Variants in EYA4 observed in about 807,000 individuals in gnomAD.
The protein encoded by EYA4 is protein phosphatase EYA4.
EYA4 carries 31 observed loss-of-function variants against 87.9 expected under a neutral mutation model. That is an observed-to-expected ratio of 0.35 (90% CI 0.27 to 0.48). EYA4 has a LOEUF of 0.48. EYA4 is among the 20% of genes least tolerant of loss of function. The pLI, the probability that EYA4 is intolerant of heterozygous loss-of-function variation, is 0.99. For missense variants in EYA4, 678 were observed against 761.4 expected, an observed-to-expected ratio of 0.89 and a Z score of 1.29; for synonymous variants, 263 against 270.6, an observed-to-expected ratio of 0.97 and a Z score of 0.28.
At chr6:133,386,224 GT>G (rs1297855232) in intron 3 of EYA4, among the ~76,000 whole-genome samples, 2 of 151,908 alleles carry the variant, frequency 1.3e-5, no homozygotes, top group Non-Finnish European at 2.9e-5. Context: ...TTGCATTGAT[GT>G]TTTTTTCTGT....
chr6:133,281,242 C>T (rs2128281580), intron 2 of EYA4, among the ~76,000 whole-genome samples: 1 of 152,272 alleles, frequency 6.6e-6, no homozygotes, highest in East Asian at 1.9e-4. Flanking sequence ...AAGGATATCT[C>T]CCATTTTGTG....
At chr6:133,426,287 A>G (rs1390107700) in intron 3 of EYA4, among the ~76,000 whole-genome samples, 2 of 152,234 alleles carry the variant, frequency 1.3e-5, no homozygotes, top group African/African-American at 2.4e-5. Flanking sequence ...GTACTCGGCA[A>G]ATATTTTGGG....
intron 11 of EYA4, among the ~76,000 whole-genome samples, chr6:133,474,778 TG>T (rs1308107899): frequency 6.6e-6 from 1 of 152,172 alleles, no homozygotes; most frequent in Non-Finnish European, 1.5e-5. Context: ...TGGAATCTGA[TG>T]TATTTAGTTC....
intron 2 of EYA4, among the ~76,000 whole-genome samples, chr6:133,374,784 A>G (rs958497659): frequency 6.6e-6 from 1 of 152,046 alleles, no homozygotes; most frequent in Admixed American, 6.6e-5. Flanking sequence ...TTCCCTAACT[A>G]CATGAAAAGA....
rs56153760 is a variant in EYA4 at position 133,274,433 on chromosome 6, G to A, written c.-65-283G>A. On this transcript the variant is annotated intron_variant, in intron 1 of 19. Coordinates refer to ENST00000355286, the MANE Select transcript of EYA4 (RefSeq NM_004100.5). ...GACATACCTCCCTCAGTAAAATAGTGTATTAACTGTTTATTGCAGACTGTG... is the reference window on the plus strand; with the variant it reads ...GACATACCTCCCTCAGTAAAATAGTATATTAACTGTTTATTGCAGACTGTG... Among the ~76,000 whole-genome samples the A allele has an allele frequency of 0.047, 7,112 of 152,192 alleles. 586 individuals carry two copies. Among genetic ancestry groups the A allele is most frequent in the African/African-American group, 0.16 (6,692 of 41,498 alleles).
At chr6:133,430,179 C>T (rs182039741) in intron 3 of EYA4, among the ~76,000 whole-genome samples, 183 of 152,268 alleles carry the variant, frequency 1.2e-3, no homozygotes, top group African/African-American at 4.1e-3. Flanking sequence ...CTGGTACATA[C>T]ATACCATGGA....
At chr6:133,419,729 A>G (rs1478253577) in intron 3 of EYA4, among the ~76,000 whole-genome samples, 1 of 152,228 alleles carries the variant, frequency 6.6e-6, no homozygotes, top group Admixed American at 6.5e-5. Flanking sequence ...GTGCAATTAA[A>G]AAACAGTGCA....
At chr6:133,327,120 AC>A (rs1781557118) in intron 2 of EYA4, among the ~76,000 whole-genome samples, 1 of 152,162 alleles carries the variant, frequency 6.6e-6, no homozygotes, top group South Asian at 2.1e-4. Flanking sequence ...AATAAATCTT[AC>A]ACTAAAATTT....
chr6:133,474,541 A>T (rs1210109665), intron 11 of EYA4, among the ~76,000 whole-genome samples: 1 of 152,056 alleles, frequency 6.6e-6, no homozygotes, highest in Non-Finnish European at 1.5e-5. Context: ...TCATTTTCAG[A>T]TTTTATTAGA....
At chr6:133,509,174 G>A (rs1798911720) in intron 14 of EYA4, among the ~76,000 whole-genome samples, 1 of 152,148 alleles carries the variant, frequency 6.6e-6, no homozygotes, top group African/African-American at 2.4e-5. Context: ...TACATACATA[G>A]CGCCCTATCC....
intron 10 of EYA4, 135 bp from the exon 11 acceptor site, chr6:133,468,431 C>T: frequency 5.4e-6 from 4 of 745,580 alleles, no homozygotes; most frequent in Non-Finnish European, 9.5e-6. Flanking sequence ...TCATTAGGAT[C>T]ACCTCAAAGC....
At chr6:133,371,709 G>T (rs1037128061) in intron 2 of EYA4, among the ~76,000 whole-genome samples, 1 of 152,176 alleles carries the variant, frequency 6.6e-6, no homozygotes, top group African/African-American at 2.4e-5. Context: ...GAGGGAGATG[G>T]TTGTGTGAGT....
intron 3 of EYA4, among the ~76,000 whole-genome samples, chr6:133,427,764 A>C (rs1311102983): frequency 6.6e-6 from 1 of 152,182 alleles, no homozygotes; most frequent in African/African-American, 2.4e-5. Context: ...AATGATATAG[A>C]GAGAAGACAG....
At chr6:133,411,914 T>A (rs1789274802) in intron 3 of EYA4, among the ~76,000 whole-genome samples, 1 of 152,234 alleles carries the variant, frequency 6.6e-6, no homozygotes, top group African/African-American at 2.4e-5. Context: ...CCAGATAGCA[T>A]TCCATCAAGC....
chr6:133,259,875 G>A (rs1177365276), intron 1 of EYA4, among the ~76,000 whole-genome samples: 1 of 152,112 alleles, frequency 6.6e-6, no homozygotes, highest in Non-Finnish European at 1.5e-5. Context: ...TTGTGATTTT[G>A]TTATTGTTTT....
intron 3 of EYA4, among the ~76,000 whole-genome samples, chr6:133,430,917 G>A (rs1469278253): frequency 2.0e-5 from 3 of 152,146 alleles, no homozygotes; most frequent in Non-Finnish European, 4.4e-5. Context: ...TGGGATAGTA[G>A]GCAATTAGTA....
At chr6:133,444,040 A>G (rs2128617168) in intron 3 of EYA4, among the ~76,000 whole-genome samples, 1 of 152,328 alleles carries the variant, frequency 6.6e-6, no homozygotes, top group Non-Finnish European at 1.5e-5. Flanking sequence ...ATTAGGTCAC[A>G]TTGGTGATAA....
In EYA4 at chr6:133,468,723, A is replaced by T. The variant is rs1166230521; in HGVS notation, c.962A>T (p.Asn321Ile). 4 of 1,613,024 alleles carry T rather than the reference A, an allele frequency of 2.5e-6. No homozygotes were observed. In the East Asian group the frequency reaches 8.9e-5, roughly 36 times the overall value. Reference protein sequence around the residue: ...QLQESLPGLTNQPGEFDTMQS... With the variant: ...QLQESLPGLTIQPGEFDTMQS... ...CAGGAATCTCTCCCAGGACTGACTA[A>T]CCAACCAGGTACAGATCTTCACCCA... is the stretch of plus-strand genomic sequence containing the variant. Residue 321 changes from asparagine (N) to isoleucine (I), a missense_variant, in exon 11 of 20, where the codon AAC (asparagine) becomes ATC (isoleucine). Asn to Ile is a moderately radical substitution (Grantham distance 149). Coordinates refer to ENST00000355286, the MANE Select transcript of EYA4 (RefSeq NM_004100.5).
rs1289287096 is a variant in EYA4 at position 133,506,113 on chromosome 6, C to G, written c.1199C>G (p.Pro400Arg). 1.2e-6 allele frequency: 2 copies of G among 1,600,932 alleles called. No homozygotes were observed. The highest frequency in any genetic ancestry group is 1.7e-6 in the Non-Finnish European group (2 of 1,168,050). The stretch of plus-strand genomic sequence containing the variant: ...TGTACATTTTCTTTACAGGATCCCC[C>G]CATGGCTGTAACCCTTGGACTCCGC... ...SYAQKYGKDP[P>R]MAVTLGLRME... The change falls in exon 14 of 20, where the codon CCC becomes CGC. Residue 400 changes from proline (P) to arginine (R), a missense_variant. Transcript: ENST00000355286.
Sources: allele counts gnomAD v4.1 joint callset (sites outside exome capture counted in the v4.1 genomes callset), GRCh38; gene constraint gnomAD v4.1.1; transcripts MANE v1.5; gene names NCBI Gene and HGNC (gene_info 2026-07-23, HGNC 2026-07-21).